Variants in ZNF804A observed in about 807,000 individuals in gnomAD.
ZNF804A encodes zinc finger protein 804A.
In ZNF804A, 2 loss-of-function variants were observed where a neutral mutation model predicts 16.5. The observed-to-expected ratio is 0.12, with a 90% CI of 0.05 to 0.38. The LOEUF is 0.38. Among genes scored for constraint, ZNF804A ranks in the 10% least tolerant of loss-of-function variants. The pLI, the probability that ZNF804A is intolerant of heterozygous loss-of-function variation, is 0.99. For missense variants in ZNF804A, 1,473 were observed against 1,390.7 expected (o/e 1.06, Z -0.94); for synonymous variants, 534 against 489.6 (o/e 1.09, Z -1.20).
chr2:184,743,028 A>G (rs761931998), intron 1 of ZNF804A, among the ~76,000 whole-genome samples: 3 of 151,940 alleles, frequency 2.0e-5, no homozygotes, highest in Non-Finnish European at 4.4e-5. Flanking sequence ...TTTCTGGTAT[A>G]TATATCTTTG....
At chr2:184,889,467 T>C (rs2105821533) in intron 2 of ZNF804A, among the ~76,000 whole-genome samples, 1 of 152,088 alleles carries the variant, frequency 6.6e-6, no homozygotes, top group South Asian at 2.1e-4. Flanking sequence ...AATCATTTGA[T>C]TGGAAATTTA....
chr2:184,664,267 T>C (rs1040375026), intron 1 of ZNF804A, among the ~76,000 whole-genome samples: 1 of 152,158 alleles, frequency 6.6e-6, no homozygotes, highest in African/African-American at 2.4e-5. Flanking sequence ...TGGAACAAAA[T>C]TATGTGTGTC....
intron 1 of ZNF804A, among the ~76,000 whole-genome samples, chr2:184,828,924 G>T (rs889508226): frequency 1.3e-5 from 2 of 151,678 alleles, no homozygotes; most frequent in South Asian, 4.2e-4. Context: ...TGCTTTTCTT[G>T]AATTTTATCA....
chr2:184,907,658 G>A (rs1037243335), intron 2 of ZNF804A, among the ~76,000 whole-genome samples: 1 of 152,050 alleles, frequency 6.6e-6, no homozygotes, highest in Non-Finnish European at 1.5e-5. Flanking sequence ...TCCTTCAATG[G>A]AGGATAGATT....
Position 184,936,942 on chromosome 2 carries a change from A to G in ZNF804A, c.1546A>G (p.Ser516Gly), listed in dbSNP as rs770902013. The change falls in exon 4 of 4, where the codon AGC becomes GGC. Residue 516 changes from serine to glycine, a missense_variant. Ser to Gly is a moderately conservative substitution (Grantham distance 56). Transcript: ENST00000302277. Reference protein sequence around the residue: ...EGLTDYEIGSSKNKCSQVTPL... With the variant: ...EGLTDYEIGSGKNKCSQVTPL... ...ACTCACTGATTATGAAATTGGAAGT[A>G]GCAAAAATAAATGCAGCCAAGTCAC... The G allele has an allele frequency of 1.1e-5, 18 of 1,613,914 alleles. No individual in the cohort carries two copies. The highest frequency in any genetic ancestry group is 1.5e-5 in the Non-Finnish European group (18 of 1,179,954).
intron 1 of ZNF804A, among the ~76,000 whole-genome samples, chr2:184,678,473 C>T (rs531732855): frequency 8.5e-5 from 13 of 152,056 alleles, no homozygotes; most frequent in Non-Finnish European, 1.8e-4. Context: ...GAAAAGTCAC[C>T]GTAGCAACTT....
Position 184,937,105 on chromosome 2 carries a change from AG to A in ZNF804A, c.1711del (p.Asp571ThrfsTer3). Reference protein sequence around the residue: ...KYNFTKSQIKQDTLDEKYNKI... With the variant: ...KYNFTKSQIKXDTLDEKYNKI... ...AATTTTACTAAAAGTCAAATAAAAC[AG>A]GACACTCTAGATGAAAAATACAACA... On this transcript the variant is annotated frameshift_variant, in exon 4 of 4. Transcript: ENST00000302277. LOFTEE classifies it low-confidence loss of function (END_TRUNC). 1 of 1,605,260 alleles carries A rather than the reference AG, an allele frequency of 6.2e-7. No homozygotes were observed. Among genetic ancestry groups the A allele is most frequent in the Non-Finnish European group, 8.5e-7 (1 of 1,177,756 alleles).
chr2:184,640,973 G>A (rs1691787371), intron 1 of ZNF804A, among the ~76,000 whole-genome samples: 1 of 152,144 alleles, frequency 6.6e-6, no homozygotes, highest in East Asian at 1.9e-4. Flanking sequence ...TATTTACCCT[G>A]ATATAGAGTC....
At chr2:184,914,083 A>C (rs78111949) in intron 2 of ZNF804A, among the ~76,000 whole-genome samples, 7,265 of 152,280 alleles carry the variant, frequency 0.048, 223 homozygotes, top group African/African-American at 0.085. Flanking sequence ...GATGCAGATC[A>C]GAGGCTGGAT....
At chr2:184,931,374 A>G (rs1437262393) in intron 2 of ZNF804A, among the ~76,000 whole-genome samples, 1 of 152,212 alleles carries the variant, frequency 6.6e-6, no homozygotes, top group Non-Finnish European at 1.5e-5. Context: ...ATTTTCACAC[A>G]TCCTGTGAAA....
At chr2:184,728,630 T>G (rs1027410454) in intron 1 of ZNF804A, among the ~76,000 whole-genome samples, 2 of 151,910 alleles carry the variant, frequency 1.3e-5, no homozygotes, top group African/African-American at 2.4e-5. Flanking sequence ...CTGAGCCATG[T>G]GGATAACTGT....
intron 1 of ZNF804A, among the ~76,000 whole-genome samples, chr2:184,789,394 T>C (rs1442969139): frequency 1.3e-5 from 2 of 152,154 alleles, no homozygotes; most frequent in African/African-American, 2.4e-5. Flanking sequence ...TTCGGAATAG[T>C]TTCAGTAAGA....
chr2:184,700,174 AT>A lies in ZNF804A; in HGVS notation c.111+101107del, dbSNP rs200388265. Among the ~76,000 whole-genome samples, 16 of 152,230 alleles carry A rather than the reference AT, an allele frequency of 1.1e-4. No homozygotes were observed. In the East Asian group the frequency reaches 2.5e-3, roughly 24 times the overall value. ...TGTAAACTTATTGTAAATCTGGGCC[AT>A]TTATTTCTTCTAAAAGTGTTTTCAA... On this transcript the variant is annotated intron_variant, in intron 1 of 3. Transcript: ENST00000302277.
At chr2:184,734,970 A>T (rs1012215875) in intron 1 of ZNF804A, among the ~76,000 whole-genome samples, 4 of 152,200 alleles carry the variant, frequency 2.6e-5, no homozygotes, top group Admixed American at 6.5e-5. Context: ...TGTCTGTATT[A>T]ACATAACCAC....
chr2:184,669,698 A>G (rs1692311466), intron 1 of ZNF804A, among the ~76,000 whole-genome samples: 2 of 151,942 alleles, frequency 1.3e-5, no homozygotes, highest in South Asian at 2.1e-4. Context: ...ATCAAATATC[A>G]TTAAACCATA....
intron 1 of ZNF804A, among the ~76,000 whole-genome samples, chr2:184,639,320 C>T (rs1047790557): frequency 7.3e-5 from 11 of 151,688 alleles, no homozygotes; most frequent in Non-Finnish European, 1.5e-4. Flanking sequence ...GTGATCCACC[C>T]GCCTCGGCCT....
In ZNF804A at chr2:184,937,520, G is replaced by T. The variant is rs770266673; in HGVS notation, c.2124G>T (p.Met708Ile). 1.2e-6 allele frequency: 2 copies of T among 1,611,822 alleles called. No individual in the cohort carries two copies. The highest frequency in any genetic ancestry group is 3.4e-5 in the Admixed American group (2 of 59,294). ...TAAATGGACAATCAAATGCAACAAT[G>T]ATACATTCTGGGAAACATAATTTAA... is the stretch of plus-strand genomic sequence containing the variant. The part of the protein sequence containing the change: ...ILLNGQSNAT[M>I]IHSGKHNLTY... The change falls in exon 4 of 4, where the codon ATG becomes ATT. Residue 708 changes from methionine to isoleucine, a missense_variant. Met to Ile is a conservative substitution (Grantham distance 10). Transcript: ENST00000302277.
intron 1 of ZNF804A, among the ~76,000 whole-genome samples, chr2:184,860,325 G>A (rs1695779514): frequency 6.6e-6 from 1 of 152,230 alleles, no homozygotes. Context: ...AAGTCTTGGG[G>A]CCTGTGTCCA....
chr2:184,893,484 A>G (rs1179330232), intron 2 of ZNF804A, among the ~76,000 whole-genome samples: 2 of 152,144 alleles, frequency 1.3e-5, no homozygotes, highest in African/African-American at 4.8e-5. Flanking sequence ...GCAAATTGCT[A>G]GGATCATTAT....
Sources: allele counts gnomAD v4.1 joint callset (sites outside exome capture counted in the v4.1 genomes callset), GRCh38; gene constraint gnomAD v4.1.1; transcripts MANE v1.5; gene names NCBI Gene and HGNC (gene_info 2026-07-23, HGNC 2026-07-21).